PTPRU: variants seen among roughly 807,000 people sequenced by gnomAD.
The protein encoded by PTPRU is receptor-type tyrosine-protein phosphatase U.
A neutral mutation model predicts 166.3 loss-of-function variants in PTPRU; 69 were observed. The observed-to-expected ratio is 0.41, with a 90% CI of 0.34 to 0.51. The LOEUF is 0.51. PTPRU is among the 20% of genes least tolerant of loss of function. The pLI is 0.09. For synonymous variants in PTPRU, 793 were observed against 814.0 expected (o/e 0.97, Z 0.44); for missense variants, 1,657 against 2,013.7 (o/e 0.82, Z 3.39).
At position 29,316,101 on chromosome 1, in the gene PTPRU, A is replaced by T; in HGVS notation, c.3463A>T (p.Ile1155Phe). Residue 1155 changes from isoleucine to phenylalanine, a missense_variant, in exon 24 of 30, where the codon ATC (isoleucine) becomes TTC (phenylalanine). Around this residue, in one of 3 missense-constraint regions of PTPRU, gnomAD observed 1,190 missense variants for 1,477.4 expected, o/e 0.81. Transcript: ENST00000373779. ...SEFKATYKEM[I>F]RIDPQSNSSQ... ...GTTCAAGGCCACCTACAAGGAGATG[A>T]TCCGCATTGATCCTCAGAGTAATTC... 6.2e-7 allele frequency: 1 copy of T among 1,614,204 alleles called. No individual in the cohort carries two copies. Among genetic ancestry groups the T allele is most frequent in the East Asian group, 2.2e-5 (1 of 44,882 alleles).
chr1:29,237,475 G>C lies in PTPRU; in HGVS notation c.73+758G>C, dbSNP rs567288762. Among the ~76,000 whole-genome samples, 15 of 152,266 alleles carry C rather than the reference G, an allele frequency of 9.9e-5. No homozygotes were observed. In the East Asian group the frequency reaches 2.9e-3, roughly 30 times the overall value. ...CTGGCTGCGCGTCCAGGAATGTTGC[G>C]AGTGTGGAGCGCGCCTGGGCCGCGG... On this transcript the variant is annotated intron_variant, in intron 1 of 29. Coordinates refer to ENST00000373779, the MANE Select transcript of PTPRU (RefSeq NM_133178.4). This position sits in a 1 kb window ranked among gnomAD's most constrained non-coding sequence, Gnocchi z 6.4.
chr1:29,285,331 C>T (rs1288787463), intron 14 of PTPRU, among the ~76,000 whole-genome samples: 5 of 152,278 alleles, frequency 3.3e-5, no homozygotes, highest in Admixed American at 6.5e-5. Context: ...TGGCTCTTCC[C>T]GGGATCCACC....
In PTPRU at chr1:29,260,587, G is replaced by A. The variant is rs748438870; in HGVS notation, c.851-23G>A. 2.4e-5 allele frequency: 35 copies of A among 1,475,642 alleles called. No individual in the cohort carries two copies. In the South Asian group the frequency reaches 3.9e-4, roughly 16 times the overall value. 91.4% of individuals were successfully genotyped at this position (1,475,642 alleles called of 1,614,324 possible). A position where few individuals can be genotyped will look rare whatever the true frequency, so the allele number is the denominator to read the frequency against. On this transcript the variant is annotated intron_variant, in intron 6 of 29. Coordinates refer to ENST00000373779, the MANE Select transcript of PTPRU (RefSeq NM_133178.4). The surrounding 1 kb of genome is among the most constrained non-coding windows in gnomAD (Gnocchi z 8.3). ...TCTCACAGCAGCATCGGTCCGCCTC[G>A]CCTCTCCCCCATCTCCTCGCAGAGC...
chr1:29,301,916 T>C (rs1687150797), intron 15 of PTPRU, among the ~76,000 whole-genome samples: 1 of 152,224 alleles, frequency 6.6e-6, no homozygotes, highest in Non-Finnish European at 1.5e-5. Context: ...CATGGACTCA[T>C]CCTTTTTTAT....
intron 15 of PTPRU, among the ~76,000 whole-genome samples, chr1:29,301,021 G>A (rs1215513659): frequency 6.6e-6 from 1 of 152,168 alleles, no homozygotes; most frequent in African/African-American, 2.4e-5. Flanking sequence ...AGGAGTTTTG[G>A]AGGGAGAAGG....
chr1:29,282,655 T>TAC (rs772087612), intron 11 of PTPRU, 21 bp from the exon 12 acceptor site: 1 of 1,607,570 alleles, frequency 6.2e-7, no homozygotes, highest in East Asian at 2.2e-5. Context: ...TGATCCCCTG[T>TAC]ACGCTCTCCT....
chr1:29,311,520 C>A lies in PTPRU; in HGVS notation c.2922C>A (p.Ile974=). The change falls in exon 20 of 30, where the codon ATC becomes ATA. Residue 974 remains isoleucine, a synonymous_variant. Coordinates refer to ENST00000373779, the MANE Select transcript of PTPRU (RefSeq NM_133178.4). This position sits in a 1 kb window ranked among gnomAD's most constrained non-coding sequence, Gnocchi z 4.1. The stretch of plus-strand genomic sequence containing the variant: ...TGTGGCAGGAGCACTGTTCCAGCAT[C>A]GTCATGATCACCAAGCTGGTCGAGG... The part of the protein sequence containing the change: ...RMVWQEHCSS[I]VMITKLVEVG... 6.2e-7 allele frequency: 1 copy of A among 1,614,140 alleles called. No homozygotes were observed. The highest frequency in any genetic ancestry group is 8.5e-7 in the Non-Finnish European group (1 of 1,180,036).
At chr1:29,292,325 T>C (rs776660060) in intron 15 of PTPRU, among the ~76,000 whole-genome samples, 5 of 152,096 alleles carry the variant, frequency 3.3e-5, no homozygotes, top group African/African-American at 7.2e-5. Flanking sequence ...TCACCCCTTA[T>C]TGAGCACCTG....
chr1:29,310,639 C>T (rs746661497), intron 18 of PTPRU, 105 bp from the exon 19 acceptor site: 7 of 1,248,368 alleles, frequency 5.6e-6, no homozygotes, highest in African/African-American at 1.5e-5. Context: ...GAGCAGTTCC[C>T]TGGTGGGGTA....
In PTPRU at chr1:29,312,675, C is replaced by T. The variant is rs540458029; in HGVS notation, c.3196C>T (p.Pro1066Ser). 1.6e-5 allele frequency: 26 copies of T among 1,609,750 alleles called. No individual in the cohort carries two copies. In the African/African-American group the frequency reaches 2.8e-4, roughly 17 times the overall value. ...CCGGCGCGTGAAGGCCTCCACCCCA[C>T]CTGATGCCGGGCCCATTGTCATCCA... ...FIRRVKASTP[P>S]DAGPIVIHCS... Residue 1066 changes from proline (P) to serine (S), a missense_variant, in exon 22 of 30, where the codon CCT becomes TCT. Pro to Ser is a moderately conservative substitution (Grantham distance 74). Coordinates refer to ENST00000373779, the MANE Select transcript of PTPRU (RefSeq NM_133178.4).
At chr1:29,259,363 G>A in intron 4 of PTPRU, 21 bp downstream of exon 4, 1 of 1,612,782 alleles carries the variant, frequency 6.2e-7, no homozygotes, top group Non-Finnish European at 8.5e-7. Flanking sequence ...GCCCACTGGG[G>A]GCGCAGGGGT....
At position 29,323,422 on chromosome 1, in the gene PTPRU, G is replaced by T; in HGVS notation, c.3880G>T (p.Glu1294Ter). 1 of 1,610,628 alleles carries T rather than the reference G, an allele frequency of 6.2e-7. No individual in the cohort carries two copies. The highest frequency in any genetic ancestry group is 8.5e-7 in the Non-Finnish European group (1 of 1,178,428). The change falls in exon 27 of 30, where the codon GAG becomes TAG. Residue 1294 changes from glutamate to a stop codon, truncating the protein, a stop_gained. Coordinates refer to ENST00000373779, the MANE Select transcript of PTPRU (RefSeq NM_133178.4). LOFTEE classifies it high-confidence loss of function. ...EPGRQQYGLM[E>*]VEFMSGTADE... The stretch of plus-strand genomic sequence containing the variant: ...AGGCCGGCAGCAATATGGCCTCATG[G>T]AGGTGGAGTTTATGTCGGGCACAGC...
intron 15 of PTPRU, among the ~76,000 whole-genome samples, chr1:29,301,987 T>C (rs1687154325): frequency 6.6e-6 from 1 of 152,190 alleles, no homozygotes; most frequent in Non-Finnish European, 1.5e-5. Context: ...CTATCACTGA[T>C]GGACATTTGG....
At position 29,280,270 on chromosome 1, in the gene PTPRU, G is replaced by T. The variant is rs1252767848; in HGVS notation, c.1868+129G>T. On this transcript the variant is annotated intron_variant, in intron 11 of 29. Coordinates refer to ENST00000373779, the MANE Select transcript of PTPRU (RefSeq NM_133178.4). This position sits in a 1 kb window ranked among gnomAD's most constrained non-coding sequence, Gnocchi z 4.2. ...CAGTCTCCCACGCAGGGCTTGGAGT[G>T]TCTGGAGGAGATTGTTCTGTGATGC... is the stretch of plus-strand genomic sequence containing the variant. 5 of 882,668 alleles carry T rather than the reference G, an allele frequency of 5.7e-6. No homozygotes were observed. In the East Asian group the frequency reaches 8.0e-5, roughly 14 times the overall value. The allele number at this position is 882,668 out of a possible 1,614,324, so 54.7% of individuals were successfully genotyped here. A position where few individuals can be genotyped will look rare whatever the true frequency, so the allele number is the denominator to read the frequency against.
Position 29,291,945 on chromosome 1 carries a change from A to T in PTPRU, c.2395A>T (p.Ser799Cys), listed in dbSNP as rs747005244. Residue 799 changes from serine (S) to cysteine (C), a missense_variant, in exon 15 of 30, where the codon AGC becomes TGC. Ser to Cys is a moderately radical substitution (Grantham distance 112). Around this residue, in one of 3 missense-constraint regions of PTPRU, gnomAD observed 1,190 missense variants for 1,477.4 expected, o/e 0.81. Coordinates refer to ENST00000373779, the MANE Select transcript of PTPRU (RefSeq NM_133178.4). The surrounding 1 kb of genome is among the most constrained non-coding windows in gnomAD (Gnocchi z 4.1). Reference sequence around the variant, plus strand: ...ACACATGATGAGCGCCGTGGACCGCAGCTTCACAGACCAGAGCACCCTGCA... The same window carrying T: ...ACACATGATGAGCGCCGTGGACCGCTGCTTCACAGACCAGAGCACCCTGCA... ...KTHMMSAVDR[S>C]FTDQSTLQED... The T allele has an allele frequency of 2.9e-5, 47 of 1,614,024 alleles. No homozygotes were observed. Among genetic ancestry groups the T allele is most frequent in the Middle Eastern group, 3.3e-4 (2 of 6,084 alleles).
chr1:29,311,158 A>G lies in PTPRU; in HGVS notation c.2858-298A>G, dbSNP rs553837758. Among the ~76,000 whole-genome samples the G allele has an allele frequency of 2.0e-5, 3 of 151,908 alleles. No individual in the cohort carries two copies. The South Asian group carries it at 6.3e-4, about 32-fold the overall frequency. ...TCTTCTGTTTGCATCCCTTTCCACG[A>G]CTGTCCATCTGTCTGTCCCTCCTGG... is the stretch of plus-strand genomic sequence containing the variant. On this transcript the variant is annotated intron_variant, in intron 19 of 29. Coordinates refer to ENST00000373779, the MANE Select transcript of PTPRU (RefSeq NM_133178.4). This position sits in a 1 kb window ranked among gnomAD's most constrained non-coding sequence, Gnocchi z 4.1.
intron 1 of PTPRU, among the ~76,000 whole-genome samples, chr1:29,253,284 G>T (rs984782442): frequency 6.6e-6 from 1 of 152,144 alleles, no homozygotes; most frequent in African/African-American, 2.4e-5. Context: ...CCTTACATAA[G>T]CATGATGGAC....
chr1:29,284,527 C>G (rs547871129), intron 13 of PTPRU, among the ~76,000 whole-genome samples: 2 of 152,232 alleles, frequency 1.3e-5, no homozygotes, highest in South Asian at 2.1e-4. Flanking sequence ...GGCAAAGGAG[C>G]CATATCAGTG....
rs201546514 is a variant in PTPRU, at chr1:29,238,173, CGTGT to C, written c.73+1464_73+1467del. On this transcript the variant is annotated intron_variant, in intron 1 of 29. Coordinates refer to ENST00000373779, the MANE Select transcript of PTPRU (RefSeq NM_133178.4). The surrounding 1 kb of genome is among the most constrained non-coding windows in gnomAD (Gnocchi z 6.1). ...GTCTGGTGTCTTTGGTGTGCGTGCGCGTGTGTGTGTGCGCGCAGCTGAATGTATG... is the reference window on the plus strand; with the variant it reads ...GTCTGGTGTCTTTGGTGTGCGTGCGCGTGTGTGCGCGCAGCTGAATGTATG... Among the ~76,000 whole-genome samples the C allele has an allele frequency of 6.6e-6, 1 of 151,832 alleles. No individual in the cohort carries two copies. The highest frequency in any genetic ancestry group is 2.4e-5 in the African/African-American group (1 of 41,356).
Sources: gnomAD v4.1 joint callset for allele counts (sites outside exome capture counted in the v4.1 genomes callset) on GRCh38, gnomAD v4.1.1 for gene constraint, gnomAD v4.1.1 regional missense constraint, Gnocchi (gnomAD v3.1) non-coding constraint, MANE v1.5 for transcripts, NCBI Gene and HGNC (gene_info 2026-07-23, HGNC 2026-07-21) for gene names.